The following MED12L variants were observed in gnomAD, a reference collection of about 807,000 sequenced individuals.
MED12L encodes mediator complex subunit 12L, also known as mediator of RNA polymerase II transcription subunit 12-like protein.
MED12L carries 60 observed loss-of-function variants against 281.3 expected under a neutral mutation model. The observed-to-expected ratio is 0.21, with a 90% confidence interval of 0.17 to 0.26. MED12L has a LOEUF of 0.26. MED12L is among the 10% of genes least tolerant of loss of function. The pLI is 1.00. For synonymous variants in MED12L, 974 were observed against 987.2 expected (o/e 0.99, Z 0.25); for missense variants, 2,146 against 2,680.9 (o/e 0.80, Z 4.41).
intron 2 of MED12L, among the ~76,000 whole-genome samples, chr3:151,110,582 G>A (rs1711711362): frequency 6.6e-6 from 1 of 152,122 alleles, no homozygotes. Flanking sequence ...TGATACTCTG[G>A]ATTTTTACCT....
rs751897058 is a variant in MED12L, at chr3:151,190,904, T to C, written c.1941T>C (p.Tyr647=). Residue 647 remains tyrosine (Y), a synonymous_variant, in exon 14 of 45, where the codon TAT becomes TAC. Coordinates refer to ENST00000687756, the MANE Select transcript of MED12L (RefSeq NM_001393769.1). Reference sequence around the variant, plus strand: ...TAGGGGAAAATGCAGATGAACACTATTCAAAGGACCATGATGTGAAAATGG... The same window carrying C: ...TAGGGGAAAATGCAGATGAACACTACTCAAAGGACCATGATGTGAAAATGG... ...SPVGENADEH[Y]SKDHDVKMEE... The C allele has an allele frequency of 1.9e-6, 3 of 1,614,004 alleles. No individual in the cohort carries two copies. Among genetic ancestry groups the C allele is most frequent in the Non-Finnish European group, 2.5e-6 (3 of 1,180,034 alleles).
intron 16 of MED12L, among the ~76,000 whole-genome samples, chr3:151,217,319 C>T (rs1156740466): frequency 6.6e-6 from 1 of 152,118 alleles, no homozygotes; most frequent in Non-Finnish European, 1.5e-5. Context: ...TTTTGAGCTG[C>T]AGTATTTCTG....
intron 15 of MED12L, 104 bp downstream of exon 15, chr3:151,192,758 A>G (rs1269590599): frequency 4.0e-6 from 3 of 744,184 alleles, no homozygotes; most frequent in Middle Eastern, 2.3e-4. Flanking sequence ...CACATTTGTG[A>G]TATGTAATCT....
At chr3:151,396,705 C>T (rs1715024255) in intron 39 of MED12L, among the ~76,000 whole-genome samples, 1 of 152,144 alleles carries the variant, frequency 6.6e-6, no homozygotes, top group Non-Finnish European at 1.5e-5. Flanking sequence ...ACCTTTTTAT[C>T]ACAAGGCATA....
intron 25 of MED12L, among the ~76,000 whole-genome samples, chr3:151,369,020 C>A (rs1755845761): frequency 6.6e-6 from 1 of 152,240 alleles, no homozygotes; most frequent in Non-Finnish European, 1.5e-5. Flanking sequence ...CTCGGCCTCC[C>A]AAAGTGCTGG....
At chr3:151,272,958 A>G (rs1741225682) in intron 16 of MED12L, among the ~76,000 whole-genome samples, 1 of 152,184 alleles carries the variant, frequency 6.6e-6, no homozygotes, top group Non-Finnish European at 1.5e-5. Flanking sequence ...AAGTGCTTCA[A>G]TATCCGAAAC....
chr3:151,166,004 C>A (rs1033961918), intron 11 of MED12L, 22 bp downstream of exon 11: 3 of 1,572,194 alleles, frequency 1.9e-6, no homozygotes, highest in Admixed American at 1.9e-5. Context: ...TTTTTTAATT[C>A]TTTTCACCTT....
intron 2 of MED12L, among the ~76,000 whole-genome samples, chr3:151,088,789 T>C (rs1719625506): frequency 3.9e-5 from 6 of 152,168 alleles, no homozygotes; most frequent in Admixed American, 2.6e-4. Flanking sequence ...TTAACCAAGG[T>C]GTATAGGTGA....
chr3:151,337,768 A>T, intron 16 of MED12L: 2 of 1,576,718 alleles, frequency 1.3e-6, no homozygotes, highest in Non-Finnish European at 1.7e-6. Flanking sequence ...GCTTTGCTTT[A>T]ACGAGTTCTG....
intron 16 of MED12L, chr3:151,300,253 A>G (rs769606511): frequency 4.2e-5 from 29 of 691,004 alleles, no homozygotes; most frequent in Non-Finnish European, 7.4e-5. Context: ...ATTTTAAAAT[A>G]CAACATTTTG....
intron 16 of MED12L, chr3:151,294,703 A>T (rs1481264632): frequency 1.2e-6 from 2 of 1,614,164 alleles, no homozygotes; most frequent in Admixed American, 3.3e-5. Context: ...TTGGCTGACC[A>T]TTTGTTAGGA....
intron 13 of MED12L, among the ~76,000 whole-genome samples, chr3:151,190,126 A>G (rs1723778955): frequency 6.6e-6 from 1 of 151,432 alleles, no homozygotes. Flanking sequence ...TGATCCTGAA[A>G]TTTTGCTTTT....
chr3:151,418,737 T>G (rs929832759), intron 43 of MED12L, among the ~76,000 whole-genome samples: 1 of 152,216 alleles, frequency 6.6e-6, no homozygotes, highest in Non-Finnish European at 1.5e-5. Context: ...TTTATGAGAA[T>G]AGTTTGATAA....
intron 5 of MED12L, among the ~76,000 whole-genome samples, chr3:151,143,700 C>T (rs1410523704): frequency 6.6e-6 from 1 of 152,144 alleles, no homozygotes; most frequent in Non-Finnish European, 1.5e-5. Flanking sequence ...TCCCCCAAGA[C>T]CTGGCCAGAG....
intron 2 of MED12L, among the ~76,000 whole-genome samples, chr3:151,108,051 G>C (rs1378506191): frequency 2.0e-5 from 3 of 152,198 alleles, no homozygotes; most frequent in Admixed American, 6.5e-5. Context: ...GCTAGATGCT[G>C]CTTTTTCGCT....
At chr3:151,218,532 T>C (rs1331617123) in intron 16 of MED12L, among the ~76,000 whole-genome samples, 1 of 152,182 alleles carries the variant, frequency 6.6e-6, no homozygotes, top group Non-Finnish European at 1.5e-5. Context: ...ATTCTAGAGA[T>C]CACATTTAAG....
chr3:151,250,575 G>T (rs1736652884), intron 16 of MED12L, among the ~76,000 whole-genome samples: 1 of 152,128 alleles, frequency 6.6e-6, no homozygotes, highest in African/African-American at 2.4e-5. Flanking sequence ...TGTCTTTAAG[G>T]TTCATGCATT....
intron 43 of MED12L, 115 bp downstream of exon 43, chr3:151,416,537 T>A: frequency 9.1e-7 from 1 of 1,095,644 alleles, no homozygotes; most frequent in Admixed American, 2.4e-5. Context: ...ACCCTAAAAA[T>A]TTTTCCTAGA....
At chr3:151,110,279 A>G (rs1711663907) in intron 2 of MED12L, among the ~76,000 whole-genome samples, 1 of 152,152 alleles carries the variant, frequency 6.6e-6, no homozygotes, top group South Asian at 2.1e-4. Context: ...ATTTGAGTTC[A>G]GGTGACACGC....
Sources: allele counts gnomAD v4.1 joint callset (sites outside exome capture counted in the v4.1 genomes callset), GRCh38; gene constraint gnomAD v4.1.1; transcripts MANE v1.5; gene names NCBI Gene and HGNC (gene_info 2026-07-23, HGNC 2026-07-21).